The following CIDEC variants were observed in gnomAD, a reference collection of about 807,000 sequenced individuals.
CIDEC encodes the protein cell death inducing DFFA like effector c.
Under a neutral mutation model 21.9 loss-of-function variants are expected in CIDEC, and 11 were observed. The ratio of observed to expected loss-of-function variants is 0.50; its 90% CI spans 0.32 to 0.83. CIDEC has a LOEUF of 0.83. Ranked by LOEUF, CIDEC falls within the 40% of genes least tolerant of loss-of-function variation. The pLI is 0.04. For synonymous variants in CIDEC, 127 were observed against 124.9 expected, an observed-to-expected ratio of 1.02 and a Z score of -0.11; for missense variants, 302 against 302.3, an observed-to-expected ratio of 1.00 and a Z score of 0.01.
intron 4 of CIDEC, among the ~76,000 whole-genome samples, chr3:9,876,779 A>AAAC (rs1559252693): frequency 7.0e-6 from 1 of 142,276 alleles, no homozygotes; most frequent in African/African-American, 2.6e-5. Context: ...AAAAAAAAAA[A>AAAC]AAAAACTAAT....
Position 9,866,970 on chromosome 3 carries a change from C to T in CIDEC, c.*164G>A, listed in dbSNP as rs2082277603. The stretch of plus-strand genomic sequence containing the variant: ...GCTTGAGGTTCTCCTTTGGCCAACC[C>T]ACCCCAGGTTTCCAGCTCCTCCTCC... On this transcript the variant is annotated 3_prime_UTR_variant, in exon 7 of 7. Transcript: ENST00000336832. The T allele has an allele frequency of 2.5e-6, 2 of 810,916 alleles. No homozygotes were observed. The highest frequency in any genetic ancestry group is 1.7e-5 in the African/African-American group (1 of 59,394). The allele number at this position is 810,916 out of a possible 1,614,324, so 50.2% of individuals were successfully genotyped here.
chr3:9,877,333 C>T, intron 3 of CIDEC, 114 bp from the exon 4 acceptor site: 1 of 1,012,856 alleles, frequency 9.9e-7, no homozygotes, highest in South Asian at 1.4e-5. Context: ...GTCAACCCCC[C>T]ATCACCTGCT....
intron 3 of CIDEC, chr3:9,878,006 C>CAAAGG (rs557368840): frequency 5.4e-6 from 1 of 186,366 alleles, no homozygotes; most frequent in South Asian, 1.1e-4. Context: ...AATTTAGAAC[C>CAAAGG]AAAGGAAAGG....
intron 4 of CIDEC, among the ~76,000 whole-genome samples, chr3:9,874,326 G>A (rs979619996): frequency 6.6e-6 from 1 of 151,806 alleles, no homozygotes; most frequent in Admixed American, 6.6e-5. Flanking sequence ...GACCAGGCTA[G>A]GAAACATAGC....
intron 1 of CIDEC, among the ~76,000 whole-genome samples, chr3:9,879,440 G>A (rs1265129357): frequency 6.6e-6 from 1 of 152,166 alleles, no homozygotes; most frequent in Non-Finnish European, 1.5e-5. Context: ...CCAAAGTGCG[G>A]GGATTACAGG....
At chr3:9,876,899 A>G (rs2125051884) in intron 4 of CIDEC, among the ~76,000 whole-genome samples, 167 bp downstream of exon 4, 1 of 152,264 alleles carries the variant, frequency 6.6e-6, no homozygotes, top group Middle Eastern at 3.4e-3. Context: ...GTTACCAAAC[A>G]GACATCAGTC....
At position 9,867,160 on chromosome 3, in the gene CIDEC, G is replaced by C. The variant is rs766183487; in HGVS notation, c.691C>G (p.Pro231Ala). 6.2e-7 allele frequency: 1 copy of C among 1,613,778 alleles called. No homozygotes were observed. The highest frequency in any genetic ancestry group is 1.1e-5 in the South Asian group (1 of 91,070). ...PPKGKASSLI[P>A]TCLKILQ ...CACTGCAGTATCTTCAGACAGGTCG[G>C]GATAAGGGATGAGGCCTTGCCCTTG... The change falls in exon 7 of 7, where the codon CCG becomes GCG. Residue 231 changes from proline to alanine, a missense_variant. Coordinates refer to ENST00000336832, the MANE Select transcript of CIDEC (RefSeq NM_001321142.2).
chr3:9,879,772 C>A (rs1357382765), intron 1 of CIDEC, among the ~76,000 whole-genome samples: 1 of 152,164 alleles, frequency 6.6e-6, no homozygotes, highest in Non-Finnish European at 1.5e-5. Flanking sequence ...TTAGACCACT[C>A]CCAAAATTAT....
intron 2 of CIDEC, 26 bp downstream of exon 2, chr3:9,878,916 C>T: frequency 9.1e-7 from 1 of 1,094,302 alleles, no homozygotes; most frequent in Non-Finnish European, 1.3e-6. Flanking sequence ...CACACCACCT[C>T]ACACTTCTGG....
At chr3:9,871,630 T>C (rs1190519622) in intron 4 of CIDEC, among the ~76,000 whole-genome samples, 3 of 142,644 alleles carry the variant, frequency 2.1e-5, no homozygotes, top group Non-Finnish European at 4.4e-5. Flanking sequence ...AAAATCCTTA[T>C]TTTTTTTTCT....
chr3:9,875,446 G>C (rs1357010722), intron 4 of CIDEC, among the ~76,000 whole-genome samples: 2 of 151,938 alleles, frequency 1.3e-5, no homozygotes, highest in African/African-American at 4.8e-5. Context: ...AAAATAGCTG[G>C]CTCATAATCT....
chr3:9,875,600 C>T (rs953989060), intron 4 of CIDEC, among the ~76,000 whole-genome samples: 17 of 152,118 alleles, frequency 1.1e-4, no homozygotes, highest in African/African-American at 4.1e-4. Flanking sequence ...GGACAGCTGG[C>T]AATGCTTGAG....
intron 2 of CIDEC, chr3:9,878,726 G>T (rs923240892): frequency 6.5e-7 from 1 of 1,533,604 alleles, no homozygotes; most frequent in Non-Finnish European, 8.7e-7. Context: ...CCCACCGGGT[G>T]CTCAGGCTCA....
At chr3:9,869,029 G>T (rs1408204952) in intron 6 of CIDEC, among the ~76,000 whole-genome samples, 1 of 152,116 alleles carries the variant, frequency 6.6e-6, no homozygotes, top group Non-Finnish European at 1.5e-5. Flanking sequence ...GGGTCTCACT[G>T]TGTTGCCGAG....
At position 9,866,841 on chromosome 3, in the gene CIDEC, A is replaced by G. The variant is rs2479; in HGVS notation, c.*293T>C. 0.79 allele frequency: 471,050 copies of G among 594,160 alleles called. 187,210 individuals are homozygous for G. Among genetic ancestry groups the G allele is most frequent in the Middle Eastern group, 0.81 (1,815 of 2,228 alleles). 36.8% of individuals were successfully genotyped at this position (594,160 alleles called of 1,614,324 possible). ...CCATGAAAGTACAGCCTGCGAGGCCAGATTGCTAAGGGGCAGACTTCATGC... is the reference window on the plus strand; with the variant it reads ...CCATGAAAGTACAGCCTGCGAGGCCGGATTGCTAAGGGGCAGACTTCATGC... On this transcript the variant is annotated 3_prime_UTR_variant, in exon 7 of 7. Coordinates refer to ENST00000336832, the MANE Select transcript of CIDEC (RefSeq NM_001321142.2).
chr3:9,874,730 A>G (rs761552274), intron 4 of CIDEC, among the ~76,000 whole-genome samples: 1 of 152,056 alleles, frequency 6.6e-6, no homozygotes, highest in Non-Finnish European at 1.5e-5. Flanking sequence ...TGCAGTGACA[A>G]TCTTTTTAAA....
At chr3:9,870,575 A>G in intron 4 of CIDEC, 1 of 1,133,488 alleles carries the variant, frequency 8.8e-7, no homozygotes, top group Non-Finnish European at 1.3e-6. Flanking sequence ...AAAGTGTACA[A>G]TTCAGGGTTT....
At chr3:9,870,924 G>T (rs897625455) in intron 4 of CIDEC, among the ~76,000 whole-genome samples, 2 of 151,042 alleles carry the variant, frequency 1.3e-5, no homozygotes, top group Non-Finnish European at 2.9e-5. Flanking sequence ...ACAGGCATGT[G>T]CTATCACGTC....
intron 1 of CIDEC, 54 bp from the exon 2 acceptor site, chr3:9,879,108 C>T (rs1476461436): frequency 2.5e-6 from 1 of 396,140 alleles, no homozygotes; most frequent in East Asian, 4.3e-5. Flanking sequence ...TTGCTACTAG[C>T]CCCATGTGGC....
Sources: allele counts gnomAD v4.1 joint callset (sites outside exome capture counted in the v4.1 genomes callset), GRCh38; gene constraint gnomAD v4.1.1; transcripts MANE v1.5; gene names NCBI Gene and HGNC (gene_info 2026-07-23, HGNC 2026-07-21).